Variants in MED12L observed in about 807,000 individuals in gnomAD.
MED12L encodes mediator complex subunit 12L, also known as mediator of RNA polymerase II transcription subunit 12-like protein.
MED12L carries 60 observed loss-of-function variants against 281.3 expected under a neutral mutation model. The observed-to-expected ratio is 0.21, with a 90% CI of 0.17 to 0.26. The LOEUF (loss-of-function observed/expected upper bound fraction) is 0.26, where lower values mean the gene tolerates loss of function less well. MED12L is among the 10% of genes least tolerant of loss of function. The probability of loss-of-function intolerance (pLI) is 1.00; values close to 1 mark genes in which losing one functional copy is unlikely to be tolerated. For synonymous variants in MED12L, 974 were observed against 987.2 expected, an observed-to-expected ratio of 0.99 and a Z score of 0.25; for missense variants, 2,146 against 2,680.9, an observed-to-expected ratio of 0.80 and a Z score of 4.41.
At chr3:151,194,432 A>G (rs1724387191) in intron 16 of MED12L, among the ~76,000 whole-genome samples, 1 of 152,180 alleles carries the variant, frequency 6.6e-6, no homozygotes, top group Non-Finnish European at 1.5e-5. Context: ...ACATCTATAA[A>G]TGGCAAGCCC....
intron 16 of MED12L, among the ~76,000 whole-genome samples, chr3:151,276,827 G>A (rs894228163): frequency 3.9e-5 from 6 of 152,032 alleles, no homozygotes; most frequent in Non-Finnish European, 5.9e-5. Context: ...CTCTGCACCC[G>A]GCCCACTTCC....
chr3:151,296,512 C>T (rs1270657607), intron 16 of MED12L, among the ~76,000 whole-genome samples: 1 of 152,106 alleles, frequency 6.6e-6, no homozygotes, highest in Non-Finnish European at 1.5e-5. Flanking sequence ...AGGACTTTGG[C>T]TGGAGGAGTA....
intron 16 of MED12L, chr3:151,338,411 A>G (rs1394847368): frequency 6.2e-7 from 1 of 1,614,170 alleles, no homozygotes; most frequent in Admixed American, 1.7e-5. Flanking sequence ...AGATGACAAC[A>G]GAGAGAATCT....
At position 151,433,353 on chromosome 3, in the gene MED12L, T is replaced by A. The variant is rs1450641829; in HGVS notation, c.*549T>A. The A allele has an allele frequency of 6.5e-6, 1 of 152,734 alleles. No individual in the cohort carries two copies. The highest frequency in any genetic ancestry group is 2.4e-5 in the African/African-American group (1 of 41,458). The allele number at this position is 152,734 out of a possible 1,614,324, so 9.5% of individuals were successfully genotyped here. A position where few individuals can be genotyped will look rare whatever the true frequency, so the allele number is the denominator to read the frequency against. On this transcript the variant is annotated 3_prime_UTR_variant, in exon 45 of 45. Transcript: ENST00000687756. The stretch of plus-strand genomic sequence containing the variant: ...AATGTTTGTAATCTCATAAGCACTT[T>A]ATAAACTTTGTTCTTATTTATGTAG...
intron 16 of MED12L, among the ~76,000 whole-genome samples, chr3:151,346,340 CAA>C (rs1752533589): frequency 6.6e-6 from 1 of 152,240 alleles, no homozygotes; most frequent in African/African-American, 2.4e-5. Flanking sequence ...AGGTCTGAAA[CAA>C]GAGTCTTTTG....
chr3:151,409,122 A>G, intron 39 of MED12L, 121 bp from the exon 40 acceptor site: 1 of 710,398 alleles, frequency 1.4e-6, no homozygotes, highest in Non-Finnish European at 2.4e-6. Context: ...ACATTTTGAA[A>G]ATCTTTGAGT....
At chr3:151,164,065 T>A in intron 9 of MED12L, 23 bp downstream of exon 9, 1 of 1,608,162 alleles carries the variant, frequency 6.2e-7, no homozygotes. Flanking sequence ...TTTCAGTGAT[T>A]TGATGGCTGT....
chr3:151,317,417 A>G (rs1412280881), intron 16 of MED12L, among the ~76,000 whole-genome samples: 1 of 143,526 alleles, frequency 7.0e-6, no homozygotes, highest in Non-Finnish European at 1.5e-5. Context: ...AACAATGACA[A>G]ATTTATATAA....
At chr3:151,404,434 A>G (rs548996903) in intron 39 of MED12L, among the ~76,000 whole-genome samples, 2 of 152,344 alleles carry the variant, frequency 1.3e-5, no homozygotes, top group East Asian at 3.9e-4. Flanking sequence ...ATCAAGCATA[A>G]CTAGCCAACA....
chr3:151,436,420 T>C lies in MED12L; in HGVS notation c.*3616T>C. On this transcript the variant is annotated 3_prime_UTR_variant, in exon 45 of 45. Coordinates refer to ENST00000687756, the MANE Select transcript of MED12L (RefSeq NM_001393769.1). ...CAGGTACATTAGCCATTTGTTATTT[T>C]ATAGTGAACCGTTTCAATGTTTGTT... 1 of 290,800 alleles carries C rather than the reference T, an allele frequency of 3.4e-6. No individual in the cohort carries two copies. The highest frequency in any genetic ancestry group is 6.4e-6 in the Non-Finnish European group (1 of 156,832). The allele number at this position is 290,800 out of a possible 1,614,324, so 18.0% of individuals were successfully genotyped here.
intron 6 of MED12L, 60 bp from the exon 7 acceptor site, chr3:151,158,627 CAG>C (rs1719591218): frequency 9.8e-7 from 1 of 1,022,716 alleles, no homozygotes; most frequent in African/African-American, 1.6e-5. Flanking sequence ...ATAAGAATGA[CAG>C]TGCCTTTTTT....
At chr3:151,403,634 A>G (rs79817517) in intron 39 of MED12L, among the ~76,000 whole-genome samples, 4,768 of 152,266 alleles carry the variant, frequency 0.031, 244 homozygotes, top group African/African-American at 0.11. Flanking sequence ...CATGTTTTGC[A>G]TTAAATTACT....
intron 16 of MED12L, among the ~76,000 whole-genome samples, chr3:151,208,362 A>C (rs1726650434): frequency 6.6e-6 from 1 of 152,240 alleles, no homozygotes; most frequent in African/African-American, 2.4e-5. Flanking sequence ...AAAAAGCTGC[A>C]AGTTAAATGT....
At chr3:151,315,504 A>G (rs1748105474) in intron 16 of MED12L, among the ~76,000 whole-genome samples, 1 of 152,202 alleles carries the variant, frequency 6.6e-6, no homozygotes, top group Admixed American at 6.5e-5. Context: ...TCAGCCATCC[A>G]TCTGCTCTTC....
At chr3:151,370,186 C>T (rs1338865106) in intron 26 of MED12L, among the ~76,000 whole-genome samples, 2 of 152,130 alleles carry the variant, frequency 1.3e-5, no homozygotes, top group East Asian at 1.9e-4. Flanking sequence ...CTTTTCTCTT[C>T]ATTTACAGGG....
At chr3:151,230,080 C>T (rs1044207993) in intron 16 of MED12L, among the ~76,000 whole-genome samples, 2 of 152,140 alleles carry the variant, frequency 1.3e-5, no homozygotes, top group African/African-American at 4.8e-5. Flanking sequence ...CGCCATTCTC[C>T]CGCCTCTGCC....
Position 151,411,338 on chromosome 3 carries a change from CAGCAGGCTGGCAG to C in MED12L, c.5972_5984del (p.Gln1991LeufsTer22). On this transcript the variant is annotated frameshift_variant, in exon 41 of 45. Coordinates refer to ENST00000687756, the MANE Select transcript of MED12L (RefSeq NM_001393769.1). LOFTEE classifies it high-confidence loss of function. Reference sequence around the variant, plus strand: ...GATGCCTTTGCAGCAGACATCGCAGCAGCAGGCTGGCAGTGTGGTCCTGTCTCCCAGCTATAAC... The same window carrying C: ...GATGCCTTTGCAGCAGACATCGCAGCTGTGGTCCTGTCTCCCAGCTATAAC... The C allele has an allele frequency of 6.2e-7, 1 of 1,614,238 alleles. No individual in the cohort carries two copies.
chr3:151,087,105 A>G (rs1485668095), intron 2 of MED12L, 80 bp downstream of exon 2: 3 of 1,189,908 alleles, frequency 2.5e-6, no homozygotes, highest in East Asian at 2.7e-5. Context: ...CCCAGCGGGC[A>G]TCGCCGGCGC....
At chr3:151,105,562 C>T (rs1024070226) in intron 2 of MED12L, among the ~76,000 whole-genome samples, 8 of 152,050 alleles carry the variant, frequency 5.3e-5, no homozygotes, top group Non-Finnish European at 1.2e-4. Context: ...TCCTAGTTTC[C>T]TTCTCTCCCC....
Sources: allele counts gnomAD v4.1 joint callset (sites outside exome capture counted in the v4.1 genomes callset), GRCh38; gene constraint gnomAD v4.1.1; transcripts MANE v1.5; gene names NCBI Gene and HGNC (gene_info 2026-07-23, HGNC 2026-07-21).